The following RND3 variants were observed in gnomAD, a reference collection of about 807,000 sequenced individuals.
RND3 encodes the protein Rho family GTPase 3, also known as rho-related GTP-binding protein RhoE.
RND3 carries 8 observed loss-of-function variants against 26.5 expected under a neutral mutation model. The observed-to-expected ratio is 0.30, with a 90% confidence interval of 0.18 to 0.54. The LOEUF (loss-of-function observed/expected upper bound fraction) is 0.54, where lower values mean the gene tolerates loss of function less well. RND3 is among the 20% of genes least tolerant of loss of function. The probability of loss-of-function intolerance (pLI) is 0.94; values close to 1 mark genes in which losing one functional copy is unlikely to be tolerated. For missense variants in RND3, 207 were observed against 302.8 expected, an observed-to-expected ratio of 0.68 and a Z score of 2.35; for synonymous variants, 113 against 113.0, an observed-to-expected ratio of 1.00 and a Z score of 0.00.
chr2:150,483,107 T>A (rs745895701), intron 3 of RND3, among the ~76,000 whole-genome samples: 4 of 152,210 alleles, frequency 2.6e-5, no homozygotes, highest in East Asian at 1.9e-4. Context: ...GGAAATTATT[T>A]TTTTTTCTTG....
rs1355890847 is a variant in RND3 at position 150,475,216 on chromosome 2, T to C, written c.239-232A>G. ...AAATTCAAGAAGAGGGCCAGGATCTTAAGTGAAATCTGTATGGTTCAAAGA... is the reference window on the plus strand; with the variant it reads ...AAATTCAAGAAGAGGGCCAGGATCTCAAGTGAAATCTGTATGGTTCAAAGA... On this transcript the variant is annotated intron_variant, in intron 3 of 5. Transcript: ENST00000263895. 6 of 398,556 alleles carry C rather than the reference T, an allele frequency of 1.5e-5. No homozygotes were observed. In the Admixed American group the frequency reaches 2.3e-4, roughly 15 times the overall value. The allele number at this position is 398,556 out of a possible 1,614,324, so 24.7% of individuals were successfully genotyped here.
At position 150,475,074 on chromosome 2, in the gene RND3, A is replaced by G. The variant is rs1686143792; in HGVS notation, c.239-90T>C. On this transcript the variant is annotated intron_variant, in intron 3 of 5. Transcript: ENST00000263895. ...CTACCCTTTCCGGCTAAGTCCTTTG[A>G]CTGTCACATCACGACCCAACTCCCA... The G allele has an allele frequency of 9.4e-6, 7 of 745,078 alleles. No individual in the cohort carries two copies. In the South Asian group the frequency reaches 1.2e-4, roughly 12 times the overall value. 46.2% of individuals were successfully genotyped at this position (745,078 alleles called of 1,614,324 possible).
intron 3 of RND3, among the ~76,000 whole-genome samples, chr2:150,483,999 A>T (rs1456226248): frequency 6.6e-6 from 1 of 152,218 alleles, no homozygotes; most frequent in Non-Finnish European, 1.5e-5. Flanking sequence ...GGTTTCATTA[A>T]ATAAAAAGAC....
At position 150,473,453 on chromosome 2, in the gene RND3, C is replaced by A. The variant is rs545504092; in HGVS notation, c.348+1422G>T. Among the ~76,000 whole-genome samples, 4 of 152,286 alleles carry A rather than the reference C, an allele frequency of 2.6e-5. No homozygotes were observed. The South Asian group carries it at 8.3e-4, about 32-fold the overall frequency. ...CCTTTTATCTCCAGACAGAACTAGA[C>A]ATGTTGTTATGTTGCTCTTCAGCTG... On this transcript the variant is annotated intron_variant, in intron 4 of 5. Coordinates refer to ENST00000263895, the MANE Select transcript of RND3 (RefSeq NM_005168.5).
intron 5 of RND3, among the ~76,000 whole-genome samples, chr2:150,470,760 G>A (rs933430223): frequency 2.0e-5 from 3 of 152,210 alleles, no homozygotes; most frequent in African/African-American, 7.2e-5. Flanking sequence ...CCGTGGCGAT[G>A]TGGCCTTGAG....
chr2:150,469,940 G>GC lies in RND3; in HGVS notation c.*46_*47insG. 6.2e-7 allele frequency: 1 copy of GC among 1,600,802 alleles called. No homozygotes were observed. The highest frequency in any genetic ancestry group is 8.5e-7 in the Non-Finnish European group (1 of 1,171,760). On this transcript the variant is annotated 3_prime_UTR_variant, in exon 6 of 6. Transcript: ENST00000263895. Reference sequence around the variant, plus strand: ...AGACTTCACCTTTTTGTTTGCTGTTGTTTTTTACACTAGATTCCTTTGTCT... The same window carrying GC: ...AGACTTCACCTTTTTGTTTGCTGTTGCTTTTTTACACTAGATTCCTTTGTCT...
chr2:150,478,372 A>G (rs1204458477), intron 3 of RND3, among the ~76,000 whole-genome samples: 1 of 151,940 alleles, frequency 6.6e-6, no homozygotes, highest in East Asian at 1.9e-4. Flanking sequence ...GCACGGTGGA[A>G]TCACAGGTAT....
chr2:150,473,997 A>C lies in RND3; in HGVS notation c.348+878T>G, dbSNP rs187286680. Among the ~76,000 whole-genome samples the C allele has an allele frequency of 7.9e-5, 12 of 152,300 alleles. No homozygotes were observed. In the East Asian group the frequency reaches 2.3e-3, roughly 29 times the overall value. ...GAGGAGAGGGAGTGCTCCAACAAGGATCTGATTCTGAAACCCCACAGCACA... is the reference window on the plus strand; with the variant it reads ...GAGGAGAGGGAGTGCTCCAACAAGGCTCTGATTCTGAAACCCCACAGCACA... On this transcript the variant is annotated intron_variant, in intron 4 of 5. Coordinates refer to ENST00000263895, the MANE Select transcript of RND3 (RefSeq NM_005168.5).
intron 3 of RND3, among the ~76,000 whole-genome samples, chr2:150,477,385 A>G (rs145938667): frequency 4.4e-4 from 67 of 152,352 alleles, no homozygotes; most frequent in African/African-American, 1.6e-3. Context: ...AATTAGGAAA[A>G]GCGATTGAAG....
chr2:150,477,593 G>C (rs896125140), intron 3 of RND3, among the ~76,000 whole-genome samples: 1 of 152,050 alleles, frequency 6.6e-6, no homozygotes, highest in Admixed American at 6.5e-5. Context: ...TCACCTGCTG[G>C]AGACTGCTAC....
chr2:150,474,084 A>G (rs1324115115), intron 4 of RND3, among the ~76,000 whole-genome samples: 1 of 152,174 alleles, frequency 6.6e-6, no homozygotes, highest in African/African-American at 2.4e-5. Flanking sequence ...CTAACACGGC[A>G]TGTGCCTTCT....
intron 3 of RND3, among the ~76,000 whole-genome samples, chr2:150,478,705 A>G (rs1358033218): frequency 1.3e-5 from 2 of 152,102 alleles, no homozygotes; most frequent in Non-Finnish European, 2.9e-5. Flanking sequence ...TTTACTAAGT[A>G]TGAAAGTATT....
At position 150,486,593 on chromosome 2, in the gene RND3, G is replaced by A; in HGVS notation, c.238+101C>T. On this transcript the variant is annotated intron_variant, in intron 3 of 5. Transcript: ENST00000263895. This position sits in a 1 kb window ranked among gnomAD's most constrained non-coding sequence, Gnocchi z 4.5. ...AGGGACCGTGGGAATCCCTTGGGAGGGGCGCAGACGGCTTGTAGCGCGCGG... is the reference window on the plus strand; with the variant it reads ...AGGGACCGTGGGAATCCCTTGGGAGAGGCGCAGACGGCTTGTAGCGCGCGG... The A allele has an allele frequency of 1.2e-6, 1 of 852,072 alleles. No homozygotes were observed. Among genetic ancestry groups the A allele is most frequent in the Non-Finnish European group, 2.0e-6 (1 of 487,866 alleles). 52.8% of individuals were successfully genotyped at this position (852,072 alleles called of 1,614,324 possible). A position where few individuals can be genotyped will look rare whatever the true frequency, so the allele number is the denominator to read the frequency against.
At chr2:150,476,034 A>C (rs959405791) in intron 3 of RND3, among the ~76,000 whole-genome samples, 3 of 152,250 alleles carry the variant, frequency 2.0e-5, no homozygotes, top group Admixed American at 2.0e-4. Context: ...CGCTTGTTTA[A>C]GAAATCATTT....
intron 3 of RND3, among the ~76,000 whole-genome samples, chr2:150,478,578 G>A (rs949927466): frequency 1.3e-5 from 1 of 74,172 alleles, no homozygotes. Context: ...AAGCCAAACG[G>A]CAAAAAAAAA....
chr2:150,484,270 A>G (rs903566801), intron 3 of RND3, among the ~76,000 whole-genome samples: 34 of 152,252 alleles, frequency 2.2e-4, no homozygotes, highest in Non-Finnish European at 4.1e-4. Context: ...GCATGAAGAT[A>G]CCTGAAGTGG....
chr2:150,487,352 C>A lies in RND3; in HGVS notation c.66G>T (p.Val22=). Residue 22 remains valine (V), a synonymous_variant, in exon 2 of 6, where the codon GTG becomes GTT. Transcript: ENST00000263895. ...CTCCCACCACAACTATCTTGCATTT[C>A]ACGTTCTGATTAGGATCCATGATAG... The part of the protein sequence containing the change: ...SKSIMDPNQN[V]KCKIVVVGDS... The A allele has an allele frequency of 6.2e-7, 1 of 1,605,904 alleles. No homozygotes were observed. The highest frequency in any genetic ancestry group is 1.7e-4 in the Middle Eastern group (1 of 6,026).
At chr2:150,474,615 TG>T (rs1686136684) in intron 4 of RND3, among the ~76,000 whole-genome samples, 1 of 152,214 alleles carries the variant, frequency 6.6e-6, no homozygotes, top group South Asian at 2.1e-4. Flanking sequence ...TGTTGTTAGC[TG>T]TACCATTTTT....
At chr2:150,472,479 G>T (rs707123) in intron 4 of RND3, among the ~76,000 whole-genome samples, 87,496 of 152,060 alleles carry the variant, frequency 0.58, 26,199 homozygotes, top group South Asian at 0.73. Flanking sequence ...GATCTAACAA[G>T]AATTATTAGA....
Sources: gnomAD v4.1 joint callset for allele counts (sites outside exome capture counted in the v4.1 genomes callset) on GRCh38, gnomAD v4.1.1 for gene constraint, Gnocchi (gnomAD v3.1) non-coding constraint, MANE v1.5 for transcripts, NCBI Gene and HGNC (gene_info 2026-07-23, HGNC 2026-07-21) for gene names.